OPRK1: variants seen among roughly 807,000 people sequenced by gnomAD.
The protein encoded by OPRK1 is opioid receptor kappa 1.
In OPRK1, 15 loss-of-function variants were observed where a neutral mutation model predicts 24.5. That is an observed-to-expected ratio of 0.61 (90% confidence interval 0.41 to 0.94). The LOEUF (loss-of-function observed/expected upper bound fraction) is 0.94. Ranked by LOEUF, OPRK1 falls within the 40% of genes least tolerant of loss-of-function variation. OPRK1 has a pLI of 0.00. For synonymous variants in OPRK1, 205 were observed against 198.0 expected (o/e 1.04, Z -0.30); for missense variants, 479 against 507.3 (o/e 0.94, Z 0.54).
intron 3 of OPRK1, among the ~76,000 whole-genome samples, chr8:53,231,151 T>C (rs1432510429): frequency 6.6e-6 from 1 of 152,186 alleles, no homozygotes; most frequent in African/African-American, 2.4e-5. Flanking sequence ...TTTTTGATTT[T>C]TTAAAAAAGT....
intron 2 of OPRK1, among the ~76,000 whole-genome samples, chr8:53,244,117 C>G (rs7826599): frequency 0.094 from 14,322 of 152,174 alleles, 733 homozygotes; most frequent in South Asian, 0.18. Flanking sequence ...TCCCACATTT[C>G]TCTAGTTCCA....
intron 2 of OPRK1, among the ~76,000 whole-genome samples, chr8:53,239,200 C>A (rs1333810626): frequency 2.6e-5 from 4 of 152,070 alleles, no homozygotes; most frequent in Admixed American, 2.0e-4. Flanking sequence ...TTTACTCTTT[C>A]ATTTCCCTAC....
At chr8:53,234,420 A>G (rs2128808505) in intron 3 of OPRK1, among the ~76,000 whole-genome samples, 1 of 152,310 alleles carries the variant, frequency 6.6e-6, no homozygotes, top group African/African-American at 2.4e-5. Flanking sequence ...AAAAGGAGTG[A>G]GAAGGTGTGT....
At chr8:53,244,748 C>CA (rs1807190869) in intron 2 of OPRK1, among the ~76,000 whole-genome samples, 1 of 152,172 alleles carries the variant, frequency 6.6e-6, no homozygotes, top group Non-Finnish European at 1.5e-5. Flanking sequence ...TGAAGCTTGA[C>CA]AGAGTGTCCT....
In OPRK1 at chr8:53,229,757, A is replaced by G. The variant is rs371053716; in HGVS notation, c.683T>C (p.Ile228Thr). 5 of 1,613,348 alleles carry G rather than the reference A, an allele frequency of 3.1e-6. No individual in the cohort carries two copies. Among genetic ancestry groups the G allele is most frequent in the Non-Finnish European group, 4.2e-6 (5 of 1,179,704 alleles). The change falls in exon 4 of 4, where the codon ATC (isoleucine) becomes ACC (threonine). Residue 228 changes from isoleucine to threonine, a missense_variant. Transcript: ENST00000265572. ...DYSWWDLFMK[I>T]CVFIFAFVIP... is the part of the protein sequence containing the mutation. ...CACGAAGGCAAAGATGAAGACGCAG[A>G]TCTTCATGAAGAGGTCCCACCAGGA...
chr8:53,244,866 G>T (rs7826614), intron 2 of OPRK1, among the ~76,000 whole-genome samples: 1 of 151,946 alleles, frequency 6.6e-6, no homozygotes, highest in Non-Finnish European at 1.5e-5. Flanking sequence ...GTGACTGTAC[G>T]GTCCTGCCTT....
chr8:53,251,163 G>C, intron 1 of OPRK1, 78 bp from the exon 2 acceptor site: 1 of 1,380,032 alleles, frequency 7.2e-7, no homozygotes, highest in Non-Finnish European at 9.4e-7. Flanking sequence ...TGGGGACCCG[G>C]AGCCTGCGGA....
At position 53,229,187 on chromosome 8, in the gene OPRK1, A is replaced by G. The variant is rs2128807457; in HGVS notation, c.*110T>C. On this transcript the variant is annotated 3_prime_UTR_variant, in exon 4 of 4. Coordinates refer to ENST00000265572, the MANE Select transcript of OPRK1 (RefSeq NM_000912.5). ...CAGACCATGAGATCTCTAAAAGTTT[A>G]TTTTAAATTCTATCTTTTCATGTCA... is the stretch of plus-strand genomic sequence containing the variant. 1 of 1,328,198 alleles carries G rather than the reference A, an allele frequency of 7.5e-7. No homozygotes were observed. Among genetic ancestry groups the G allele is most frequent in the South Asian group, 1.5e-5 (1 of 67,970 alleles). 82.3% of individuals were successfully genotyped at this position (1,328,198 alleles called of 1,614,324 possible).
chr8:53,228,050 C>T lies in OPRK1; in HGVS notation c.*1247G>A, dbSNP rs1225109002. On this transcript the variant is annotated 3_prime_UTR_variant, in exon 4 of 4. Transcript: ENST00000265572. ...TAAATGTGCTGCTCCTGGCATTATC[C>T]TCAGCAGGTATGCCCTTCACAGAAT... is the stretch of plus-strand genomic sequence containing the variant. 2 of 152,124 alleles carry T rather than the reference C, an allele frequency of 1.3e-5. No individual in the cohort carries two copies. Among genetic ancestry groups the T allele is most frequent in the African/African-American group, 4.8e-5 (2 of 41,414 alleles). The allele number at this position is 152,124 out of a possible 1,614,324, so 9.4% of individuals were successfully genotyped here. A position where few individuals can be genotyped will look rare whatever the true frequency, so the allele number is the denominator to read the frequency against.
rs9282807 is a variant in OPRK1 at position 53,239,674 on chromosome 8, A to C, written c.258-4563T>G. On this transcript the variant is annotated intron_variant, in intron 2 of 3. Coordinates refer to ENST00000265572, the MANE Select transcript of OPRK1 (RefSeq NM_000912.5). ...ATGATGATTAAATGAGACATGCATA[A>C]AATTACTTAGCACCAGACTGGTACT... Among the ~76,000 whole-genome samples, 90 of 152,340 alleles carry C rather than the reference A, an allele frequency of 5.9e-4. No homozygotes were observed. In the East Asian group the frequency reaches 0.016, roughly 27 times the overall value.
At chr8:53,239,598 T>C (rs1807069660) in intron 2 of OPRK1, among the ~76,000 whole-genome samples, 1 of 152,200 alleles carries the variant, frequency 6.6e-6, no homozygotes, top group Non-Finnish European at 1.5e-5. Flanking sequence ...ATTGATGACA[T>C]TATGTGACAG....
Position 53,229,488 on chromosome 8 carries a change from A to C in OPRK1, c.952T>G (p.Leu318Val). 1 of 1,614,232 alleles carries C rather than the reference A, an allele frequency of 6.2e-7. No homozygotes were observed. Among genetic ancestry groups the C allele is most frequent in the Non-Finnish European group, 8.5e-7 (1 of 1,180,042 alleles). The change falls in exon 4 of 4, where the codon TTA becomes GTA. Residue 318 changes from leucine (L) to valine (V), a missense_variant. Leu to Val is a conservative substitution (Grantham distance 32). Coordinates refer to ENST00000265572, the MANE Select transcript of OPRK1 (RefSeq NM_000912.5). ...TTCAGGCTACTGTTGGTATAGCCTA[A>C]GGCGATGCAGAAGTAATAGCTGGAG... ...ALSSYYFCIALGYTNSSLNPI... is the reference protein window; with the variant it reads ...ALSSYYFCIAVGYTNSSLNPI...
chr8:53,235,679 A>C (rs539030090), intron 2 of OPRK1, among the ~76,000 whole-genome samples: 1 of 152,346 alleles, frequency 6.6e-6, no homozygotes, highest in African/African-American at 2.4e-5. Flanking sequence ...CATTTTAAAT[A>C]TATTATATAA....
chr8:53,239,767 A>G (rs1158124816), intron 2 of OPRK1, among the ~76,000 whole-genome samples: 1 of 152,144 alleles, frequency 6.6e-6, no homozygotes, highest in Non-Finnish European at 1.5e-5. Flanking sequence ...TACTGTTATT[A>G]TTCATTACCT....
intron 2 of OPRK1, among the ~76,000 whole-genome samples, chr8:53,243,581 C>T (rs1425976945): frequency 6.6e-6 from 1 of 152,202 alleles, no homozygotes; most frequent in African/African-American, 2.4e-5. Context: ...GAAACAGTTC[C>T]ACGAGACTTT....
intron 2 of OPRK1, among the ~76,000 whole-genome samples, chr8:53,250,328 A>G (rs749440865): frequency 1.3e-5 from 2 of 152,180 alleles, no homozygotes; most frequent in Non-Finnish European, 2.9e-5. Context: ...GAAATTCGGA[A>G]TTATCTTCAG....
chr8:53,245,123 C>A (rs961607891), intron 2 of OPRK1, among the ~76,000 whole-genome samples: 3 of 152,134 alleles, frequency 2.0e-5, no homozygotes, highest in East Asian at 3.9e-4. Flanking sequence ...AGTGCAGGTG[C>A]AATTTAAAAA....
At chr8:53,236,446 C>T (rs905636733) in intron 2 of OPRK1, among the ~76,000 whole-genome samples, 14 of 152,120 alleles carry the variant, frequency 9.2e-5, no homozygotes, top group Non-Finnish European at 1.5e-5. Context: ...ATTGTGAAGA[C>T]GGGTACTAGA....
intron 2 of OPRK1, among the ~76,000 whole-genome samples, chr8:53,240,664 G>A (rs946617912): frequency 2.6e-5 from 4 of 151,908 alleles, no homozygotes; most frequent in African/African-American, 9.7e-5. Context: ...TAGATTTTAT[G>A]TGCAAAATGA....
Sources: gnomAD v4.1 joint callset for allele counts (sites outside exome capture counted in the v4.1 genomes callset) on GRCh38, gnomAD v4.1.1 for gene constraint, MANE v1.5 for transcripts, NCBI Gene and HGNC (gene_info 2026-07-23, HGNC 2026-07-21) for gene names.